MYH15: variants seen among roughly 807,000 people sequenced by gnomAD.
MYH15 encodes myosin heavy chain 15.
MYH15 carries 227 observed loss-of-function variants against 240.5 expected under a neutral mutation model. The ratio of observed to expected loss-of-function variants is 0.94; its 90% confidence interval spans 0.85 to 1.05. The LOEUF (loss-of-function observed/expected upper bound fraction) is 1.05. Ranked by LOEUF, MYH15 falls within the 50% of genes least tolerant of loss-of-function variation. MYH15 has a pLI of 0.00. For synonymous variants in MYH15, 785 were observed against 796.7 expected (o/e 0.99, Z 0.25); for missense variants, 2,217 against 2,247.5 (o/e 0.99, Z 0.27).
At chr3:108,487,904 C>A (rs895994424) in intron 9 of MYH15, among the ~76,000 whole-genome samples, 30 of 152,088 alleles carry the variant, frequency 2.0e-4, no homozygotes, top group African/African-American at 6.8e-4. Flanking sequence ...ATAAAAATAT[C>A]CTGTAAAAAT....
At chr3:108,440,307 C>T (rs2082874746) in intron 23 of MYH15, among the ~76,000 whole-genome samples, 1 of 152,010 alleles carries the variant, frequency 6.6e-6, no homozygotes, top group South Asian at 2.1e-4. Context: ...TGTGTTGTGC[C>T]TCAGTATCCC....
chr3:108,512,954 A>C (rs2083532470), upstream of MYH15, among the ~76,000 whole-genome samples: 1 of 152,036 alleles, frequency 6.6e-6, no homozygotes, highest in South Asian at 2.1e-4. Flanking sequence ...AAGGATCGAA[A>C]TCCTTCTATC....
intron 1 of MYH15, among the ~76,000 whole-genome samples, chr3:108,517,337 T>C (rs941587136): frequency 2.4e-4 from 36 of 151,662 alleles, no homozygotes; most frequent in Admixed American, 9.2e-4. Context: ...AACTTCTGAT[T>C]AATTTTTTTT....
chr3:108,519,692 A>G (rs2083601889), intron 1 of MYH15, among the ~76,000 whole-genome samples: 2 of 152,226 alleles, frequency 1.3e-5, no homozygotes, highest in African/African-American at 4.8e-5. Flanking sequence ...AGATTAGCTG[A>G]AATGGAACAT....
chr3:108,421,230 G>A lies in MYH15; in HGVS notation c.3703-16C>T. The A allele has an allele frequency of 6.2e-7, 1 of 1,608,588 alleles. No homozygotes were observed. Among genetic ancestry groups the A allele is most frequent in the East Asian group, 2.2e-5 (1 of 44,856 alleles). ...CAGCATTTGCCTATAAGTTGAGAAA[G>A]AAGGGCTGGTCAGGGCTCACAGAGG... On this transcript the variant is annotated splice_polypyrimidine_tract_variant and intron_variant, in intron 27 of 40. Transcript: ENST00000693548.
At chr3:108,422,247 C>A (rs1202282673) in intron 27 of MYH15, among the ~76,000 whole-genome samples, 2 of 143,968 alleles carry the variant, frequency 1.4e-5, no homozygotes, top group East Asian at 4.0e-4. Context: ...GAGACAGAGG[C>A]TCACTCTGTC....
chr3:108,396,524 C>T (rs1250289799), intron 35 of MYH15, among the ~76,000 whole-genome samples: 1 of 152,210 alleles, frequency 6.6e-6, no homozygotes, highest in African/African-American at 2.4e-5. Flanking sequence ...CCCTGCAGCT[C>T]ACCTCCTGCT....
upstream of MYH15, among the ~76,000 whole-genome samples, chr3:108,513,293 C>T (rs1267576230): frequency 2.0e-5 from 3 of 152,148 alleles, no homozygotes; most frequent in Non-Finnish European, 2.9e-5. Context: ...GGTATACTCA[C>T]ACATGTTTAT....
intron 20 of MYH15, among the ~76,000 whole-genome samples, chr3:108,454,501 T>C (rs959056109): frequency 1.3e-5 from 2 of 152,166 alleles, no homozygotes; most frequent in African/African-American, 4.8e-5. Flanking sequence ...ACATTTTCTG[T>C]GAAGGATCAG....
chr3:108,392,272 A>T (rs1417215424), intron 36 of MYH15, among the ~76,000 whole-genome samples: 1 of 152,230 alleles, frequency 6.6e-6, no homozygotes, highest in East Asian at 1.9e-4. Flanking sequence ...ATGACTGATT[A>T]TTGAATAAAG....
intron 39 of MYH15, among the ~76,000 whole-genome samples, chr3:108,384,211 C>T (rs1050147532): frequency 3.5e-4 from 54 of 152,174 alleles, no homozygotes; most frequent in African/African-American, 1.3e-3. Context: ...ATATATGACA[C>T]TTATCAATTA....
In MYH15 at chr3:108,399,212, T is replaced by C. The variant is rs1177991578; in HGVS notation, c.4792A>G (p.Lys1598Glu). The C allele has an allele frequency of 6.2e-7, 1 of 1,614,086 alleles. No homozygotes were observed. The highest frequency in any genetic ancestry group is 2.2e-5 in the East Asian group (1 of 44,892). Reference sequence around the variant, plus strand: ...AGCCGGGTAACCTCAATTCTGCTCTTAGCTTCAGAATCCAGACTAGACTGC... The same window carrying C: ...AGCCGGGTAACCTCAATTCTGCTCTCAGCTTCAGAATCCAGACTAGACTGC... ...SLQSSLDSEA[K>E]SRIEVTRLKK... Residue 1598 changes from lysine to glutamate, a missense_variant, in exon 34 of 41, where the codon AAG (lysine) becomes GAG (glutamate). Coordinates refer to ENST00000693548, the MANE Select transcript of MYH15 (RefSeq NM_014981.3).
intron 28 of MYH15, among the ~76,000 whole-genome samples, chr3:108,420,797 T>C (rs1174662833): frequency 6.6e-6 from 1 of 152,212 alleles, no homozygotes; most frequent in East Asian, 1.9e-4. Flanking sequence ...TAGTAGACTG[T>C]GGATTGCCCC....
intron 20 of MYH15, among the ~76,000 whole-genome samples, 191 bp from the exon 21 acceptor site, chr3:108,454,333 AAC>A (rs932139155): frequency 3.3e-5 from 5 of 152,106 alleles, no homozygotes; most frequent in African/African-American, 1.2e-4. Flanking sequence ...TGAAAAAAAA[AAC>A]GTTATTAAAT....
chr3:108,398,436 C>A (rs1466591502), intron 35 of MYH15, among the ~76,000 whole-genome samples: 1 of 152,228 alleles, frequency 6.6e-6, no homozygotes, highest in East Asian at 1.9e-4. Flanking sequence ...CTTTACGCCA[C>A]CCTGTTTGTG....
At chr3:108,500,366 T>C in intron 3 of MYH15, 92 bp from the exon 4 acceptor site, 1 of 1,360,374 alleles carries the variant, frequency 7.4e-7, no homozygotes, top group East Asian at 2.4e-5. Flanking sequence ...TTTGCTCAAA[T>C]ATTACTTATA....
At chr3:108,510,670 G>A, upstream of MYH15, 5 of 1,345,092 alleles carry the variant, frequency 3.7e-6, no homozygotes, top group Non-Finnish European at 4.1e-6. Context: ...CACATAGATA[G>A]ACTAAAGAGT....
chr3:108,508,988 C>T lies in MYH15; in HGVS notation c.88+1455G>A, dbSNP rs574230776. On this transcript the variant is annotated intron_variant, in intron 1 of 40. Transcript: ENST00000693548. ...ACAAGTATTATTATCTCCTTTGATACATGAGGAAACCAGGGCTCAATAAAG... is the reference window on the plus strand; with the variant it reads ...ACAAGTATTATTATCTCCTTTGATATATGAGGAAACCAGGGCTCAATAAAG... Among the ~76,000 whole-genome samples the T allele has an allele frequency of 1.8e-4, 28 of 152,266 alleles. 1 individual carries two copies. Among genetic ancestry groups the T allele is most frequent in the African/African-American group, 5.3e-4 (22 of 41,560 alleles).
chr3:108,458,422 C>G (rs1167794637), intron 18 of MYH15, among the ~76,000 whole-genome samples: 1 of 152,164 alleles, frequency 6.6e-6, no homozygotes, highest in Non-Finnish European at 1.5e-5. Flanking sequence ...CAAACTGCAG[C>G]ATCATTGTTT....
Sources: gnomAD v4.1 joint callset for allele counts (sites outside exome capture counted in the v4.1 genomes callset) on GRCh38, gnomAD v4.1.1 for gene constraint, MANE v1.5 for transcripts, NCBI Gene and HGNC (gene_info 2026-07-23, HGNC 2026-07-21) for gene names.